Variants in ATP2B1 observed in about 807,000 individuals in gnomAD.
ATP2B1 encodes the protein ATPase plasma membrane Ca2+ transporting 1.
A neutral mutation model predicts 124.2 loss-of-function variants in ATP2B1; 14 were observed. The ratio of observed to expected loss-of-function variants is 0.11; its 90% CI spans 0.07 to 0.18. ATP2B1 has a LOEUF of 0.18. ATP2B1 is among the 10% of genes least tolerant of loss of function. ATP2B1 has a pLI of 1.00. For synonymous variants in ATP2B1, 449 were observed against 492.4 expected (o/e 0.91, Z 1.17); for missense variants, 763 against 1,466.1 (o/e 0.52, Z 7.83).
chr12:89,605,820 G>C (rs769801567), intron 15 of ATP2B1, among the ~76,000 whole-genome samples: 5 of 152,198 alleles, frequency 3.3e-5, no homozygotes, highest in Non-Finnish European at 4.4e-5. Context: ...CAAACAGCGA[G>C]TGCAGATTAA....
chr12:89,697,613 C>A lies in ATP2B1; in HGVS notation c.-222+10983G>T, dbSNP rs1168329288. On this transcript the variant is annotated intron_variant, in intron 1 of 20. Coordinates refer to ENST00000428670, the MANE Select transcript of ATP2B1 (RefSeq NM_001366521.1). ...CTTATTTCATACATGTATTCATTTT[C>A]AGTTTTGACAAACTTATACATGCAT... 2.7e-5 allele frequency among the ~76,000 whole-genome samples: 4 copies of A among 150,542 alleles called. No homozygotes were observed. The East Asian group carries it at 7.8e-4, about 29-fold the overall frequency.
chr12:89,690,833 T>G (rs572845886), intron 1 of ATP2B1, among the ~76,000 whole-genome samples: 1 of 152,180 alleles, frequency 6.6e-6, no homozygotes, highest in South Asian at 2.1e-4. Flanking sequence ...TTTAAGTGAG[T>G]GGCACAATAT....
intron 20 of ATP2B1, among the ~76,000 whole-genome samples, chr12:89,592,773 A>C (rs781652108): frequency 1.3e-5 from 2 of 152,050 alleles, no homozygotes; most frequent in Non-Finnish European, 2.9e-5. Flanking sequence ...TACAAACTTA[A>C]AACAATGTTA....
Position 89,674,860 on chromosome 12 carries a change from C to A in ATP2B1, c.-221-18753G>T, listed in dbSNP as rs553156567. On this transcript the variant is annotated intron_variant, in intron 1 of 20. Transcript: ENST00000428670. Reference sequence around the variant, plus strand: ...TGAGACAATCATCTATTTGGAAAAGCAATGCATAGAATTAAAAACAAAAAA... The same window carrying A: ...TGAGACAATCATCTATTTGGAAAAGAAATGCATAGAATTAAAAACAAAAAA... 2.1e-3 allele frequency among the ~76,000 whole-genome samples: 319 copies of A among 152,190 alleles called. 2 individuals are homozygous for A. Among genetic ancestry groups the A allele is most frequent in the African/African-American group, 7.2e-3 (298 of 41,506 alleles).
chr12:89,707,403 C>T (rs562038443), intron 1 of ATP2B1, among the ~76,000 whole-genome samples: 42 of 152,214 alleles, frequency 2.8e-4, no homozygotes, highest in African/African-American at 8.9e-4. Flanking sequence ...ACAACAAAGG[C>T]TTCCATGTTG....
At chr12:89,655,529 G>T in intron 2 of ATP2B1, 150 bp downstream of exon 2, 1 of 701,478 alleles carries the variant, frequency 1.4e-6, no homozygotes. Context: ...TACTTTAACT[G>T]TATTAATCTG....
chr12:89,658,122 C>A (rs989924572), intron 1 of ATP2B1, among the ~76,000 whole-genome samples: 4 of 152,142 alleles, frequency 2.6e-5, no homozygotes, highest in African/African-American at 9.7e-5. Context: ...CTGAACATCA[C>A]ACTAACCTTA....
chr12:89,628,653 G>A (rs1881330662), intron 6 of ATP2B1, among the ~76,000 whole-genome samples: 1 of 152,170 alleles, frequency 6.6e-6, no homozygotes, highest in South Asian at 2.1e-4. Context: ...ATTGTCTGGA[G>A]TAGGCACTAC....
Position 89,634,782 on chromosome 12 carries a change from T to C in ATP2B1, c.783A>G (p.Leu261=), listed in dbSNP as rs761238872. 9 of 1,584,902 alleles carry C rather than the reference T, an allele frequency of 5.7e-6. No homozygotes were observed. The highest frequency in any genetic ancestry group is 2.7e-5 in the African/African-American group (2 of 73,192). ...KKSLDKDPLL[L]SGTHVMEGSG... The stretch of plus-strand genomic sequence containing the variant: ...AGATATAAATGAAATTTTTACCTGA[T>C]AGAAGTAAGGGATCCTTATCTAAAG... The change falls in exon 5 of 21, where the codon CTA becomes CTG. Residue 261 remains leucine, a synonymous_variant. Transcript: ENST00000428670.
At chr12:89,641,045 T>C (rs938167403) in intron 3 of ATP2B1, among the ~76,000 whole-genome samples, 10 of 152,158 alleles carry the variant, frequency 6.6e-5, no homozygotes, top group Admixed American at 5.9e-4. Flanking sequence ...CGAAAGGGTA[T>C]AGGAATGAAG....
chr12:89,678,647 C>T (rs1034180878), intron 1 of ATP2B1, among the ~76,000 whole-genome samples: 15 of 152,146 alleles, frequency 9.9e-5, no homozygotes, highest in African/African-American at 3.4e-4. Flanking sequence ...AGCTATTTTG[C>T]ATGTGTCTTA....
intron 19 of ATP2B1, among the ~76,000 whole-genome samples, chr12:89,600,938 C>T (rs1425682333): frequency 1.3e-5 from 2 of 152,130 alleles, no homozygotes; most frequent in South Asian, 2.1e-4. Context: ...CGTGAGCCAC[C>T]GCACCCGGCC....
chr12:89,637,216 T>C (rs1463795884), intron 3 of ATP2B1, among the ~76,000 whole-genome samples: 2 of 152,218 alleles, frequency 1.3e-5, no homozygotes, highest in African/African-American at 4.8e-5. Context: ...TTTTAACAAA[T>C]ACCTTTGCAT....
chr12:89,708,218 C>A (rs1355793247), intron 1 of ATP2B1, among the ~76,000 whole-genome samples: 1 of 152,078 alleles, frequency 6.6e-6, no homozygotes, highest in Admixed American at 6.5e-5. Context: ...GGTCACCACG[C>A]GCCGTGGCGG....
At chr12:89,675,488 A>G (rs1888494172) in intron 1 of ATP2B1, among the ~76,000 whole-genome samples, 1 of 152,172 alleles carries the variant, frequency 6.6e-6, no homozygotes, top group Admixed American at 6.5e-5. Flanking sequence ...AATTTTGAGA[A>G]TATGTCTTAC....
At chr12:89,619,129 A>G (rs543725085) in intron 11 of ATP2B1, among the ~76,000 whole-genome samples, 37 of 152,374 alleles carry the variant, frequency 2.4e-4, no homozygotes, top group African/African-American at 8.7e-4. Flanking sequence ...AAGGACAGTA[A>G]GAAAAATTAG....
At chr12:89,602,716 G>C (rs1195548863) in intron 18 of ATP2B1, among the ~76,000 whole-genome samples, 1 of 151,624 alleles carries the variant, frequency 6.6e-6, no homozygotes, top group Non-Finnish European at 1.5e-5. Flanking sequence ...CTTTTTTTTG[G>C]TATAATGTGG....
chr12:89,661,939 T>C (rs544561023), intron 1 of ATP2B1, among the ~76,000 whole-genome samples: 1 of 152,168 alleles, frequency 6.6e-6, no homozygotes, highest in Admixed American at 6.5e-5. Flanking sequence ...CTCTTAGATA[T>C]CAGCAGTGAT....
intron 1 of ATP2B1, among the ~76,000 whole-genome samples, chr12:89,690,843 T>C (rs761129978): frequency 2.0e-5 from 3 of 152,100 alleles, no homozygotes; most frequent in Non-Finnish European, 4.4e-5. Flanking sequence ...TGGCACAATA[T>C]TCCCACAACC....
Sources: gnomAD v4.1 joint callset for allele counts (sites outside exome capture counted in the v4.1 genomes callset) on GRCh38, gnomAD v4.1.1 for gene constraint, MANE v1.5 for transcripts, NCBI Gene and HGNC (gene_info 2026-07-23, HGNC 2026-07-21) for gene names.